Variants in FBXW10 observed in about 807,000 individuals in gnomAD.
The protein encoded by FBXW10 is F-box and WD repeat domain containing 10, also known as F-box/WD repeat-containing protein 10.
A neutral mutation model predicts 113.1 loss-of-function variants in FBXW10; 68 were observed. The ratio of observed to expected loss-of-function variants is 0.60; its 90% CI spans 0.49 to 0.74. The LOEUF (loss-of-function observed/expected upper bound fraction) is 0.74. Among genes scored for constraint, FBXW10 ranks in the 30% least tolerant of loss-of-function variants. The probability of loss-of-function intolerance (pLI) is 0.00; values close to 1 mark genes in which losing one functional copy is unlikely to be tolerated. For missense variants in FBXW10, 753 were observed against 1,284.5 expected, an observed-to-expected ratio of 0.59 and a Z score of 6.32; for synonymous variants, 289 against 481.6, an observed-to-expected ratio of 0.60 and a Z score of 5.24.
At chr17:18,766,343 A>G (rs2035496251) in intron 8 of FBXW10, among the ~76,000 whole-genome samples, 1 of 151,822 alleles carries the variant, frequency 6.6e-6, no homozygotes. Flanking sequence ...GCCCCTACTC[A>G]AGCTGTATGC....
chr17:18,752,424 ACAT>A (rs991430638), intron 5 of FBXW10, among the ~76,000 whole-genome samples: 4 of 152,138 alleles, frequency 2.6e-5, no homozygotes, highest in African/African-American at 9.7e-5. Context: ...CAAAGAAAAC[ACAT>A]TTCTGGGCCA....
Position 18,772,630 on chromosome 17 carries a change from C to G in FBXW10, c.2225C>G (p.Pro742Arg). The G allele has an allele frequency of 6.2e-7, 1 of 1,614,104 alleles. No individual in the cohort carries two copies. Among genetic ancestry groups the G allele is most frequent in the East Asian group, 2.2e-5 (1 of 44,886 alleles). ...SKQTVIQELLPGKPPKSRVLL... is the reference protein window; with the variant it reads ...SKQTVIQELLRGKPPKSRVLL... ...CAAACTGTGATCCAAGAGCTCCTAC[C>G]AGGCAAACCTCCCAAGTCCCGAGTA... Residue 742 changes from proline to arginine, a missense_variant, in exon 12 of 14, where the codon CCA becomes CGA. Transcript: ENST00000395665.
In FBXW10 at chr17:18,744,646, G is replaced by A. The variant is rs758298921; in HGVS notation, c.402G>A (p.Ala134=). 7.9e-5 allele frequency: 127 copies of A among 1,613,836 alleles called. No homozygotes were observed. Among genetic ancestry groups the A allele is most frequent in the Non-Finnish European group, 9.7e-5 (114 of 1,179,880 alleles). The change falls in exon 1 of 14, where the codon GCG becomes GCA. Residue 134 remains alanine, a synonymous_variant. Coordinates refer to ENST00000395665, the MANE Select transcript of FBXW10 (RefSeq NM_001267585.2). ...WFANSTQWTK[A]NYTLLLLQMC... is the part of the protein sequence containing the mutation. ...CGAACAGCACCCAGTGGACCAAGGC[G>A]AATTATACTCTCTTACTGCTGCAGA... is the stretch of plus-strand genomic sequence containing the variant.
chr17:18,766,418 A>G lies in FBXW10; in HGVS notation c.1556-296A>G, dbSNP rs551216108. On this transcript the variant is annotated intron_variant, in intron 8 of 13. Transcript: ENST00000395665. The stretch of plus-strand genomic sequence containing the variant: ...CAGGCTTGAGGAATTAGCTGATTAG[A>G]GATGAGCTGTCTAGCACTTGGGCCT... 1.5e-3 allele frequency among the ~76,000 whole-genome samples: 221 copies of G among 152,152 alleles called. 2 individuals are homozygous for G. The highest frequency in any genetic ancestry group is 3.4e-3 in the Middle Eastern group (1 of 294).
chr17:18,750,411 AC>A (rs1374584757), intron 4 of FBXW10, among the ~76,000 whole-genome samples: 2 of 151,666 alleles, frequency 1.3e-5, no homozygotes, highest in Non-Finnish European at 2.9e-5. Flanking sequence ...AAAGCAGAGA[AC>A]CCCCAGCCCC....
Position 18,772,607 on chromosome 17 carries a change from A to C in FBXW10, c.2202A>C (p.Gln734His). Reference protein sequence around the residue: ...HSPRESVSSKQTVIQELLPGK... With the variant: ...HSPRESVSSKHTVIQELLPGK... The stretch of plus-strand genomic sequence containing the variant: ...CAAGAGAGTCTGTATCCAGTAAACA[A>C]ACTGTGATCCAAGAGCTCCTACCAG... The change falls in exon 12 of 14, where the codon CAA (glutamine) becomes CAC (histidine). Residue 734 changes from glutamine to histidine, a missense_variant. Transcript: ENST00000395665. 6.2e-7 allele frequency: 1 copy of C among 1,614,018 alleles called. No homozygotes were observed. The highest frequency in any genetic ancestry group is 8.5e-7 in the Non-Finnish European group (1 of 1,179,884).
At position 18,744,337 on chromosome 17, in the gene FBXW10, G is replaced by T. The variant is rs574904473; in HGVS notation, c.93G>T (p.Thr31=). ...TCCCTCTATGCCGGAAGTGTGAGAC[G>T]TGTGTCTTAGCCTGGAAGATCTTCT... ...DSIPLCRKCE[T]CVLAWKIFST... is the part of the protein sequence containing the mutation. Residue 31 remains threonine (T), a synonymous_variant, in exon 1 of 14, where the codon ACG becomes ACT. Coordinates refer to ENST00000395665, the MANE Select transcript of FBXW10 (RefSeq NM_001267585.2). The T allele has an allele frequency of 2.5e-6, 4 of 1,613,762 alleles. No individual in the cohort carries two copies. In the East Asian group the frequency reaches 6.7e-5, roughly 27 times the overall value.
intron 4 of FBXW10, among the ~76,000 whole-genome samples, chr17:18,750,413 C>T (rs1026452933): frequency 1.3e-5 from 2 of 151,696 alleles, no homozygotes; most frequent in Admixed American, 6.6e-5. Context: ...AGCAGAGAAC[C>T]CCCAGCCCCC....
At chr17:18,758,633 C>T in intron 7 of FBXW10, 128 bp downstream of exon 7, 1 of 418,512 alleles carries the variant, frequency 2.4e-6, no homozygotes. Context: ...TTCTAGAATA[C>T]CTTCAGCTTT....
chr17:18,749,910 A>G lies in FBXW10; in HGVS notation c.859A>G (p.Lys287Glu), dbSNP rs755982110. 33 of 1,613,790 alleles carry G rather than the reference A, an allele frequency of 2.0e-5. No homozygotes were observed. The highest frequency in any genetic ancestry group is 2.8e-5 in the Non-Finnish European group (33 of 1,179,918). ...FIRYLPIHLS[K>E]YILRMLDRHT... is the part of the protein sequence containing the mutation. ...CCGTTACCTGCCCATCCACCTCTCCAAGTACATTCTAAGTATGCTGGGGTG... is the reference window on the plus strand; with the variant it reads ...CCGTTACCTGCCCATCCACCTCTCCGAGTACATTCTAAGTATGCTGGGGTG... The change falls in exon 3 of 14, where the codon AAG (lysine) becomes GAG (glutamate). Residue 287 changes from lysine (K) to glutamate (E), a missense_variant. Coordinates refer to ENST00000395665, the MANE Select transcript of FBXW10 (RefSeq NM_001267585.2).
At chr17:18,755,672 G>T (rs1250180167) in intron 5 of FBXW10, among the ~76,000 whole-genome samples, 1 of 152,106 alleles carries the variant, frequency 6.6e-6, no homozygotes, top group Admixed American at 6.6e-5. Flanking sequence ...ATGACGTTCC[G>T]ACTTCTGTGA....
chr17:18,764,101 A>T (rs1257602587), intron 7 of FBXW10, among the ~76,000 whole-genome samples: 2 of 145,454 alleles, frequency 1.4e-5, no homozygotes, highest in African/African-American at 2.6e-5. Context: ...ATATCTCCAG[A>T]TATTTCCAAA....
At chr17:18,768,735 C>A in intron 10 of FBXW10, 59 bp downstream of exon 10, 7 of 1,573,444 alleles carry the variant, frequency 4.4e-6, no homozygotes, top group Non-Finnish European at 6.1e-6. Context: ...CCCGTCATAG[C>A]CTAGACTGCA....
At chr17:18,756,464 A>G (rs1197723425) in intron 6 of FBXW10, among the ~76,000 whole-genome samples, 1 of 152,140 alleles carries the variant, frequency 6.6e-6, no homozygotes, top group Non-Finnish European at 1.5e-5. Flanking sequence ...TAGAAATAAT[A>G]TACGGTTATT....
intron 13 of FBXW10, among the ~76,000 whole-genome samples, chr17:18,776,564 T>G (rs1041418962): frequency 2.0e-5 from 3 of 152,218 alleles, no homozygotes; most frequent in Admixed American, 2.0e-4. Flanking sequence ...CCTGTACAGG[T>G]ATACCTGAAG....
In FBXW10 at chr17:18,779,247, G is replaced by A. The variant is rs760542102; in HGVS notation, c.3108G>A (p.Thr1036=). 63 of 1,308,312 alleles carry A rather than the reference G, an allele frequency of 4.8e-5. 12 individuals are homozygous for A. The highest frequency in any genetic ancestry group is 6.1e-5 in the Non-Finnish European group (57 of 930,658). 81.0% of individuals were successfully genotyped at this position (1,308,312 alleles called of 1,614,324 possible). ...KIKGLPIDNF[T]KQGKTAAPEL... is the part of the protein sequence containing the mutation. ...AAGGCCTGCCTATTGATAATTTCAC[G>A]AAGCAAGGGAAAACAGCGGCCCCTG... The change falls in exon 14 of 14, where the codon ACG becomes ACA. Residue 1036 remains threonine (T), a synonymous_variant. Coordinates refer to ENST00000395665, the MANE Select transcript of FBXW10 (RefSeq NM_001267585.2).
chr17:18,770,205 C>G (rs1055969921), intron 11 of FBXW10, 120 bp downstream of exon 11: 1 of 1,458,810 alleles, frequency 6.9e-7, no homozygotes, highest in Non-Finnish European at 9.4e-7. Flanking sequence ...TGCAATGCCT[C>G]TCTACAATTC....
intron 13 of FBXW10, among the ~76,000 whole-genome samples, chr17:18,778,248 G>A (rs1286703526): frequency 3.9e-5 from 6 of 152,150 alleles, no homozygotes; most frequent in Admixed American, 1.3e-4. Flanking sequence ...GCGAGACTCC[G>A]TCTCAAAAAC....
Position 18,758,158 on chromosome 17 carries a change from C to T in FBXW10, c.1233-147C>T, listed in dbSNP as rs531945655. 1.2e-5 allele frequency: 18 copies of T among 1,461,624 alleles called. No individual in the cohort carries two copies. In the South Asian group the frequency reaches 2.5e-4, roughly 20 times the overall value. 90.5% of individuals were successfully genotyped at this position (1,461,624 alleles called of 1,614,324 possible). ...GGATCCCTCAAGGCCTGTTAATTCT[C>T]GACCTTGCCTTCTGCTGCCTCCCTT... On this transcript the variant is annotated intron_variant, in intron 6 of 13. Transcript: ENST00000395665.
Sources: gnomAD v4.1 joint callset for allele counts (sites outside exome capture counted in the v4.1 genomes callset) on GRCh38, gnomAD v4.1.1 for gene constraint, MANE v1.5 for transcripts, NCBI Gene and HGNC (gene_info 2026-07-23, HGNC 2026-07-21) for gene names.